PEG3: variants seen among roughly 807,000 people sequenced by gnomAD.
PEG3 encodes the protein paternally-expressed gene 3 protein.
PEG3 carries 23 observed loss-of-function variants against 35.5 expected under a neutral mutation model. That is an observed-to-expected ratio of 0.65 (90% CI 0.47 to 0.92). The LOEUF is 0.92. Ranked by LOEUF, PEG3 falls within the 40% of genes least tolerant of loss-of-function variation. The pLI is 0.00. For synonymous variants in PEG3, 707 were observed against 697.0 expected (o/e 1.01, Z -0.23); for missense variants, 1,960 against 1,985.3 (o/e 0.99, Z 0.24).
At chr19:56,823,754 G>A (rs764595363) in intron 4 of PEG3, 75 bp from the exon 5 acceptor site, 45 of 1,510,848 alleles carry the variant, frequency 3.0e-5, no homozygotes, top group African/African-American at 5.5e-5. Flanking sequence ...TCCCTGAGCC[G>A]CATCTCCCTG....
rs773882476 is a variant in PEG3, at chr19:56,816,547, C to G, written c.1895G>C (p.Cys632Ser). The G allele has an allele frequency of 6.2e-7, 1 of 1,614,022 alleles. No homozygotes were observed. The highest frequency in any genetic ancestry group is 1.1e-5 in the South Asian group (1 of 91,050). ...TGAGCTATGAAGGAAAGTCTCCCCA[C>G]ACACCTTACATTCGTACATTTTCTC... ...GKEKMYECKV[C>S]GETFLHSSSL... Residue 632 changes from cysteine (C) to serine (S), a missense_variant, in exon 10 of 10, where the codon TGT becomes TCT. This residue lies in a region of PEG3 where 798 missense variants were observed against 782.4 expected (regional missense o/e 1.02). Transcript: ENST00000326441.
chr19:56,824,221 G>A lies in PEG3; in HGVS notation c.394+41C>T, dbSNP rs543010174. On this transcript the variant is annotated intron_variant, in intron 4 of 9. Coordinates refer to ENST00000326441, the MANE Select transcript of PEG3 (RefSeq NM_006210.3). Reference sequence around the variant, plus strand: ...AGGCTGAGAGCCCCAGGGGACACCTGAGGCCTGCACTGACCACCAACACCC... The same window carrying A: ...AGGCTGAGAGCCCCAGGGGACACCTAAGGCCTGCACTGACCACCAACACCC... The A allele has an allele frequency of 5.3e-5, 84 of 1,592,748 alleles. 1 individual carries two copies. The South Asian group carries it at 9.1e-4, about 17-fold the overall frequency.
At position 56,815,903 on chromosome 19, in the gene PEG3, G is replaced by C; in HGVS notation, c.2539C>G (p.His847Asp). 1 of 1,612,258 alleles carries C rather than the reference G, an allele frequency of 6.2e-7. No individual in the cohort carries two copies. Among genetic ancestry groups the C allele is most frequent in the Admixed American group, 1.7e-5 (1 of 59,844 alleles). The change falls in exon 10 of 10, where the codon CAC becomes GAC. Residue 847 changes from histidine to aspartate, a missense_variant. Coordinates refer to ENST00000326441, the MANE Select transcript of PEG3 (RefSeq NM_006210.3). The stretch of plus-strand genomic sequence containing the variant: ...GATTCCACCAATTCATTTCCATTGT[G>C]ACTTCTTGGAGGTTTGGAAGCCACT... The part of the protein sequence containing the change: ...SLVASKPPRS[H>D]NGNELVESNE...
intron 2 of PEG3, among the ~76,000 whole-genome samples, chr19:56,827,505 A>C (rs2061160379): frequency 6.6e-6 from 1 of 152,238 alleles, no homozygotes; most frequent in South Asian, 2.1e-4. Context: ...CAAAACAATC[A>C]ATCATAAAGC....
rs376589761 is a variant in PEG3 at position 56,814,640 on chromosome 19, C to A, written c.3802G>T (p.Ala1268Ser). ...TGACTTCTCTGAAACTCAGTGAGGG[C>A]TAAGCCTGGAATGATAGCTTCCTCA... ...MAEEAIIPGL[A>S]LTEFQRSQTE... The change falls in exon 10 of 10, where the codon GCC becomes TCC. Residue 1268 changes from alanine (A) to serine (S), a missense_variant. Ala to Ser is a moderately conservative substitution (Grantham distance 99). Around this residue, in one of 5 missense-constraint regions of PEG3, gnomAD observed 416 missense variants for 416.7 expected, o/e 1.00. Coordinates refer to ENST00000326441, the MANE Select transcript of PEG3 (RefSeq NM_006210.3). The surrounding 1 kb of genome is among the most constrained non-coding windows in gnomAD (Gnocchi z 5.8). The A allele has an allele frequency of 1.2e-6, 2 of 1,614,160 alleles. No homozygotes were observed. Among genetic ancestry groups the A allele is most frequent in the Non-Finnish European group, 1.7e-6 (2 of 1,180,026 alleles).
intron 1 of PEG3, among the ~76,000 whole-genome samples, chr19:56,839,071 G>C (rs1170941626): frequency 4.0e-5 from 6 of 151,882 alleles, no homozygotes; most frequent in African/African-American, 9.7e-5. Flanking sequence ...GGCGGGCCTT[G>C]TCTCGCCCAA....
chr19:56,817,543 T>C lies in PEG3; in HGVS notation c.899A>G (p.His300Arg), dbSNP rs2060091787. The C allele has an allele frequency of 6.3e-7, 1 of 1,598,238 alleles. No individual in the cohort carries two copies. Among genetic ancestry groups the C allele is most frequent in the Non-Finnish European group, 8.5e-7 (1 of 1,171,246 alleles). ...TTCATCTTCACAAATCCCCCGCCGG[T>C]GGGTTGATTTTTTGGCTTCAGGCAT... is the stretch of plus-strand genomic sequence containing the variant. The part of the protein sequence containing the change: ...KTMPEAKKST[H>R]RRGICEDESS... Residue 300 changes from histidine to arginine, a missense_variant, in exon 10 of 10, where the codon CAC becomes CGC. Physicochemically the swap from His to Arg is conservative, Grantham distance 29. Transcript: ENST00000326441.
Position 56,814,098 on chromosome 19 carries a change from CCCATTTGGCTGCTCGGCCTCT to C in PEG3, c.4323_4343del (p.Glu1442_Gly1448del). The C allele has an allele frequency of 1.2e-6, 2 of 1,613,990 alleles. No homozygotes were observed. The highest frequency in any genetic ancestry group is 1.7e-6 in the Non-Finnish European group (2 of 1,180,002). ...CTGCACCATCTGGCTCATCAGCATC[CCCATTTGGCTGCTCGGCCTCT>C]CCATTTGGCTGTCCAGCCTCTCCAA... is the stretch of plus-strand genomic sequence containing the variant. On this transcript the variant is annotated inframe_deletion, in exon 10 of 10. Coordinates refer to ENST00000326441, the MANE Select transcript of PEG3 (RefSeq NM_006210.3). The surrounding 1 kb of genome is among the most constrained non-coding windows in gnomAD (Gnocchi z 5.8).
Position 56,815,236 on chromosome 19 carries a change from T to C in PEG3, c.3206A>G (p.Asp1069Gly). 6.2e-7 allele frequency: 1 copy of C among 1,614,172 alleles called. No homozygotes were observed. Among genetic ancestry groups the C allele is most frequent in the Non-Finnish European group, 8.5e-7 (1 of 1,180,010 alleles). ...HGEESQGENT[D>G]GEETHSEETH... ...CTCCTCGCTGTGGGTCTCCTCCCCA[T>C]CAGTATTCTCGCCTTGAGACTCCTC... Residue 1069 changes from aspartate (D) to glycine (G), a missense_variant, in exon 10 of 10, where the codon GAT becomes GGT. By Grantham distance (94) the Asp-to-Gly change is moderately conservative (BLOSUM62 -1). Transcript: ENST00000326441.
intron 1 of PEG3, among the ~76,000 whole-genome samples, chr19:56,839,696 A>G (rs3795004): frequency 0.16 from 23,515 of 151,050 alleles, 2,043 homozygotes; most frequent in East Asian, 0.33. Flanking sequence ...TGGGGCTGGA[A>G]CAGACCATTA....
Position 56,812,473 on chromosome 19 carries a change from G to A in PEG3, c.*1202C>T, listed in dbSNP as rs572040017. 5.1e-6 allele frequency: 5 copies of A among 984,224 alleles called. No homozygotes were observed. Among genetic ancestry groups the A allele is most frequent in the East Asian group, 1.1e-4 (1 of 8,792 alleles). The allele number at this position is 984,224 out of a possible 1,614,324, so 61.0% of individuals were successfully genotyped here. ...GGAGTTAGAGGGTCAGATAAATAAC[G>A]AAGAGAATTAAGTTAGCGATAGAAA... On this transcript the variant is annotated 3_prime_UTR_variant, in exon 10 of 10. Transcript: ENST00000326441.
chr19:56,814,188 T>G lies in PEG3; in HGVS notation c.4254A>C (p.Pro1418=). The change falls in exon 10 of 10, where the codon CCA becomes CCC. Residue 1418 remains proline, a synonymous_variant. Transcript: ENST00000326441. This position sits in a 1 kb window ranked among gnomAD's most constrained non-coding sequence, Gnocchi z 5.8. ...AAEPEVEAAE[P]NGEAEGPDGE... ...CATCTGGCCCTTCAGCCTCTCCGTT[T>G]GGCTCAGCAGCCTCCACTTCTGGCT... 1.9e-6 allele frequency: 3 copies of G among 1,611,814 alleles called. No homozygotes were observed. Among genetic ancestry groups the G allele is most frequent in the Non-Finnish European group, 2.5e-6 (3 of 1,178,380 alleles).
At chr19:56,838,135 CGTCA>C (rs1283494555) in intron 1 of PEG3, among the ~76,000 whole-genome samples, 3 of 152,144 alleles carry the variant, frequency 2.0e-5, no homozygotes, top group Non-Finnish European at 4.4e-5. Flanking sequence ...ATGCAGACCC[CGTCA>C]GTCACTCAGT....
At chr19:56,833,367 G>A (rs1384847900) in intron 2 of PEG3, 6 of 358,090 alleles carry the variant, frequency 1.7e-5, no homozygotes, top group African/African-American at 1.3e-4. Flanking sequence ...CCCAGGGACA[G>A]CGTGGTGTGT....
At chr19:56,838,443 G>A (rs1223307317) in intron 1 of PEG3, among the ~76,000 whole-genome samples, 3 of 152,166 alleles carry the variant, frequency 2.0e-5, no homozygotes, top group Non-Finnish European at 2.9e-5. Context: ...TCAGTCCCGA[G>A]GAACGGTCCC....
chr19:56,835,189 C>T (rs1021638926), intron 2 of PEG3, among the ~76,000 whole-genome samples: 19 of 152,306 alleles, frequency 1.2e-4, no homozygotes, highest in African/African-American at 4.6e-4. Flanking sequence ...TCCCCTTCTG[C>T]ACCCTGAAAC....
At chr19:56,833,577 G>T in intron 2 of PEG3, 2 of 185,118 alleles carry the variant, frequency 1.1e-5, no homozygotes, top group Non-Finnish European at 2.3e-5. Context: ...TTCCTTCTAG[G>T]GCAGTGGTTC....
In PEG3 at chr19:56,817,306, G is replaced by A. The variant is rs1167317334; in HGVS notation, c.1136C>T (p.Ser379Leu). Reference protein sequence around the residue: ...NAFRGGFRFNSTLVSRKRVLE... With the variant: ...NAFRGGFRFNLTLVSRKRVLE... ...AACTCTCTTTCTGGAAACAAGGGTT[G>A]AATTAAACCTAAAGCCTCCCCTAAA... is the stretch of plus-strand genomic sequence containing the variant. Residue 379 changes from serine to leucine, a missense_variant, in exon 10 of 10, where the codon TCA (serine) becomes TTA (leucine). Around this residue, in one of 5 missense-constraint regions of PEG3, gnomAD observed 613 missense variants for 577.1 expected, o/e 1.06. Coordinates refer to ENST00000326441, the MANE Select transcript of PEG3 (RefSeq NM_006210.3). 17 of 1,614,110 alleles carry A rather than the reference G, an allele frequency of 1.1e-5. No homozygotes were observed. The highest frequency in any genetic ancestry group is 1.4e-5 in the Non-Finnish European group (17 of 1,180,020).
chr19:56,837,441 CA>C lies in PEG3; in HGVS notation c.-249-1338del, dbSNP rs563269475. On this transcript the variant is annotated intron_variant, in intron 1 of 9. Coordinates refer to ENST00000326441, the MANE Select transcript of PEG3 (RefSeq NM_006210.3). ...CCACAGCCCACTTCCTCCATTTTCT[CA>C]CTTAAAATCCCACCTTTCCCCAAAT... Among the ~76,000 whole-genome samples, 8 of 152,346 alleles carry C rather than the reference CA, an allele frequency of 5.3e-5. No homozygotes were observed. In the South Asian group the frequency reaches 1.7e-3, roughly 32 times the overall value.
Sources: allele counts gnomAD v4.1 joint callset (sites outside exome capture counted in the v4.1 genomes callset), GRCh38; gene constraint gnomAD v4.1.1; regional missense constraint gnomAD v4.1.1; non-coding constraint Gnocchi (gnomAD v3.1); transcripts MANE v1.5; gene names NCBI Gene and HGNC (gene_info 2026-07-23, HGNC 2026-07-21).